The following TENM2 variants were observed in gnomAD, a reference collection of about 807,000 sequenced individuals.
The protein encoded by TENM2 is teneurin-2.
Under a neutral mutation model 245.2 loss-of-function variants are expected in TENM2, and 52 were observed. The ratio of observed to expected loss-of-function variants is 0.21; its 90% CI spans 0.17 to 0.27. The LOEUF (loss-of-function observed/expected upper bound fraction) is 0.27, where lower values mean the gene tolerates loss of function less well. Among genes scored for constraint, TENM2 ranks in the 10% least tolerant of loss-of-function variants. The pLI, the probability that TENM2 is intolerant of heterozygous loss-of-function variation, is 1.00. For synonymous variants in TENM2, 1,363 were observed against 1,438.9 expected, an observed-to-expected ratio of 0.95 and a Z score of 1.19; for missense variants, 3,046 against 3,666.8, an observed-to-expected ratio of 0.83 and a Z score of 4.37.
At chr5:167,972,397 C>T (rs1220483900) in intron 4 of TENM2, among the ~76,000 whole-genome samples, 3 of 152,076 alleles carry the variant, frequency 2.0e-5, no homozygotes, top group African/African-American at 7.2e-5. Context: ...TGTAGACTTA[C>T]CTCATTCTTG....
At chr5:168,140,665 G>A (rs996469683) in intron 12 of TENM2, among the ~76,000 whole-genome samples, 4 of 152,172 alleles carry the variant, frequency 2.6e-5, no homozygotes, top group African/African-American at 7.2e-5. Context: ...TGCTACTTTT[G>A]CAAGTGTTTA....
At chr5:167,112,072 A>T in the TENM2 span, among the ~76,000 whole-genome samples, 1 of 152,222 alleles carries the variant, frequency 6.6e-6, no homozygotes, top group Non-Finnish European at 1.5e-5. Context: ...CTGGGACATT[A>T]AAATGATTGA....
intron 2 of TENM2, among the ~76,000 whole-genome samples, chr5:167,504,309 A>G (rs891318056): frequency 3.9e-5 from 6 of 152,184 alleles, no homozygotes; most frequent in South Asian, 2.1e-4. Flanking sequence ...TGTTAAATTA[A>G]TCTTATTTAA....
At chr5:167,216,926 C>CA in the TENM2 span, among the ~76,000 whole-genome samples, 940 of 138,044 alleles carry the variant, frequency 6.8e-3, 11 homozygotes, top group African/African-American at 0.023. Flanking sequence ...GACCCCATCT[C>CA]AAAAAAAAAA....
chr5:167,792,504 C>T lies in TENM2; in HGVS notation c.503-83482C>T, dbSNP rs148016872. Among the ~76,000 whole-genome samples, 287 of 152,004 alleles carry T rather than the reference C, an allele frequency of 1.9e-3. 1 individual carries two copies. The highest frequency in any genetic ancestry group is 2.3e-3 in the Admixed American group (35 of 15,256). On this transcript the variant is annotated intron_variant, in intron 2 of 28. Transcript: ENST00000518659. ...CGTGCATCAGGAGATGTGATCGTCA[C>T]GTGTGGCTCCAGAGGGTTGCTCGAG...
chr5:167,780,430 A>T (rs556895703), intron 2 of TENM2, among the ~76,000 whole-genome samples: 26 of 152,270 alleles, frequency 1.7e-4, no homozygotes, highest in African/African-American at 5.5e-4. Context: ...TCATATCGTA[A>T]ACAAGTGTCC....
intron 3 of TENM2, among the ~76,000 whole-genome samples, chr5:167,895,000 A>C (rs1257489181): frequency 9.0e-6 from 1 of 111,594 alleles, no homozygotes; most frequent in Non-Finnish European, 1.8e-5. Context: ...GAGGGAAGGA[A>C]GGAAGGAAGG....
intron 1 of TENM2, among the ~76,000 whole-genome samples, chr5:167,291,644 G>A (rs538073493): frequency 1.3e-5 from 2 of 152,256 alleles, no homozygotes; most frequent in Admixed American, 1.3e-4. Context: ...ACCATTTTAC[G>A]GCTGTAGCTG....
At chr5:167,678,701 T>G (rs1395699366) in intron 2 of TENM2, among the ~76,000 whole-genome samples, 1 of 152,062 alleles carries the variant, frequency 6.6e-6, no homozygotes, top group African/African-American at 2.4e-5. Context: ...AAGAAACCCT[T>G]GGTGCCAATC....
rs115833126 is a variant in TENM2, at chr5:167,549,131, G to A, written c.502+173658G>A. 6.3e-3 allele frequency among the ~76,000 whole-genome samples: 965 copies of A among 152,202 alleles called. 9 individuals are homozygous for A. Among genetic ancestry groups the A allele is most frequent in the African/African-American group, 0.02 (835 of 41,518 alleles). On this transcript the variant is annotated intron_variant, in intron 2 of 28. Coordinates refer to ENST00000518659, the Ensembl canonical transcript of TENM2. Reference sequence around the variant, plus strand: ...TGGTGGTATATCAGCTCAGCCAATCGTAGCAGAGCAATCTTATGGACCTCA... The same window carrying A: ...TGGTGGTATATCAGCTCAGCCAATCATAGCAGAGCAATCTTATGGACCTCA...
the TENM2 span, among the ~76,000 whole-genome samples, chr5:167,186,160 C>T: frequency 6.6e-6 from 1 of 151,918 alleles, no homozygotes; most frequent in Non-Finnish European, 1.5e-5. Flanking sequence ...ACCTTTTTTT[C>T]CTCCCTGACT....
intron 2 of TENM2, among the ~76,000 whole-genome samples, chr5:167,788,824 C>T (rs1229924605): frequency 1.3e-5 from 2 of 152,180 alleles, no homozygotes; most frequent in East Asian, 1.9e-4. Flanking sequence ...CCTTGTTTCT[C>T]GATTACTGAG....
chr5:167,135,981 A>G, the TENM2 span, among the ~76,000 whole-genome samples: 1 of 152,198 alleles, frequency 6.6e-6, no homozygotes, highest in Non-Finnish European at 1.5e-5. Flanking sequence ...TGGGACACAT[A>G]ACAAAGTAGC....
At chr5:167,110,121 T>C in the TENM2 span, among the ~76,000 whole-genome samples, 1 of 151,972 alleles carries the variant, frequency 6.6e-6, no homozygotes, top group South Asian at 2.1e-4. Flanking sequence ...GGCCGAGGGC[T>C]CCCAACAGAG....
At chr5:167,098,986 CTCAGTTGGTACTTTAGATTTT>C in the TENM2 span, among the ~76,000 whole-genome samples, 948 of 152,308 alleles carry the variant, frequency 6.2e-3, 3 homozygotes, top group Middle Eastern at 0.02. Flanking sequence ...TAACAAGTAC[CTCAGTTGGTACTTTAGATTTT>C]TCAAAAAAAT....
chr5:168,017,363 G>C (rs982692241), intron 5 of TENM2, among the ~76,000 whole-genome samples: 2 of 152,218 alleles, frequency 1.3e-5, no homozygotes, highest in African/African-American at 4.8e-5. Context: ...AAATTATAAA[G>C]TGTTGTGACA....
intron 1 of TENM2, among the ~76,000 whole-genome samples, chr5:167,313,184 C>A (rs9687521): frequency 0.012 from 1,801 of 152,056 alleles, 41 homozygotes; most frequent in African/African-American, 0.042. Context: ...ATTACAAGTG[C>A]GAGCCACCGT....
intron 2 of TENM2, among the ~76,000 whole-genome samples, chr5:167,475,392 T>A (rs1423903876): frequency 6.6e-6 from 1 of 152,074 alleles, no homozygotes; most frequent in Non-Finnish European, 1.5e-5. Context: ...TGAAAATATT[T>A]TATTTATTTA....
chr5:167,563,207 G>A (rs760030126), intron 2 of TENM2, among the ~76,000 whole-genome samples: 1 of 152,166 alleles, frequency 6.6e-6, no homozygotes, highest in Non-Finnish European at 1.5e-5. Context: ...TCCACAAAAA[G>A]ATCAGATTTA....
Sources: allele counts gnomAD v4.1 joint callset (sites outside exome capture counted in the v4.1 genomes callset), GRCh38; gene constraint gnomAD v4.1.1; transcripts MANE v1.5; gene names NCBI Gene and HGNC (gene_info 2026-07-23, HGNC 2026-07-21).